The following GPSM1 variants were observed in gnomAD, a reference collection of about 807,000 sequenced individuals.
The protein encoded by GPSM1 is G protein signaling modulator 1.
Under a neutral mutation model 70.5 loss-of-function variants are expected in GPSM1, and 48 were observed. That is an observed-to-expected ratio of 0.68 (90% CI 0.54 to 0.87). The LOEUF (loss-of-function observed/expected upper bound fraction) is 0.87, where lower values mean the gene tolerates loss of function less well. Among genes scored for constraint, GPSM1 ranks in the 40% least tolerant of loss-of-function variants. The probability of loss-of-function intolerance (pLI) is 0.00; values close to 1 mark genes in which losing one functional copy is unlikely to be tolerated. For synonymous variants in GPSM1, 416 were observed against 430.1 expected, an observed-to-expected ratio of 0.97 and a Z score of 0.41; for missense variants, 981 against 972.6, an observed-to-expected ratio of 1.01 and a Z score of -0.11.
At chr9:136,346,473 T>A (rs1265214649) in intron 9 of GPSM1, among the ~76,000 whole-genome samples, 1 of 152,180 alleles carries the variant, frequency 6.6e-6, no homozygotes, top group African/African-American at 2.4e-5. Flanking sequence ...CTCTGCCCCA[T>A]AGGTAGCACC....
At chr9:136,337,102 G>T (rs781849310) in intron 4 of GPSM1, 30 bp downstream of exon 4, 4 of 1,521,646 alleles carry the variant, frequency 2.6e-6, no homozygotes, top group South Asian at 1.2e-5. Context: ...CCCAGGGACC[G>T]GGGCTGGCCT....
At chr9:136,334,691 G>T in intron 2 of GPSM1, 23 bp downstream of exon 2, 2 of 1,587,098 alleles carry the variant, frequency 1.3e-6, no homozygotes, top group Non-Finnish European at 1.7e-6. Context: ...GGTCCTGCTG[G>T]CGGGTGAGTG....
intron 2 of GPSM1, among the ~76,000 whole-genome samples, chr9:136,334,976 T>G (rs1159998404): frequency 6.6e-6 from 1 of 152,110 alleles, no homozygotes. Flanking sequence ...GGGAACGCAG[T>G]GGGGAAGCCC....
chr9:136,334,823 G>A (rs1482078252), intron 2 of GPSM1, among the ~76,000 whole-genome samples, 155 bp downstream of exon 2: 1 of 149,646 alleles, frequency 6.7e-6, no homozygotes, highest in African/African-American at 2.5e-5. Context: ...CCCTGCTGGC[G>A]GGTGAGTGGG....
In GPSM1 at chr9:136,337,905, C is replaced by A; in HGVS notation, c.762C>A (p.Asn254Lys). ...CAGCCGAGAGGAGGGCCTACAGCAA[C>A]CTGGGGAACGCCCACGTCTTCCTGG... ...DKAAERRAYSNLGNAHVFLGR... is the reference protein window; with the variant it reads ...DKAAERRAYSKLGNAHVFLGR... The change falls in exon 6 of 14, where the codon AAC becomes AAA. Residue 254 changes from asparagine (N) to lysine (K), a missense_variant. Physicochemically the swap from Asn to Lys is moderately conservative, Grantham distance 94. Coordinates refer to ENST00000440944, the MANE Select transcript of GPSM1 (RefSeq NM_001145638.3). 1 of 1,612,708 alleles carries A rather than the reference C, an allele frequency of 6.2e-7. No homozygotes were observed. The highest frequency in any genetic ancestry group is 8.5e-7 in the Non-Finnish European group (1 of 1,179,860).
At position 136,358,082 on chromosome 9, in the gene GPSM1, C is replaced by T. The variant is rs3812548; in HGVS notation, c.1890C>T (p.Asp630=). 86 of 1,612,738 alleles carry T rather than the reference C, an allele frequency of 5.3e-5. 3 individuals carry two copies. In the South Asian group the frequency reaches 7.2e-4, roughly 14 times the overall value. ...DVLPRGPTMP[D]EDFFSLIQRV... Reference sequence around the variant, plus strand: ...TGCCCCGGGGCCCTACCATGCCGGACGAGGACTTCTTCAGCCTCATTCAGA... The same window carrying T: ...TGCCCCGGGGCCCTACCATGCCGGATGAGGACTTCTTCAGCCTCATTCAGA... The change falls in exon 14 of 14, where the codon GAC becomes GAT. Residue 630 remains aspartate (D), a synonymous_variant. Transcript: ENST00000440944.
At chr9:136,344,999 C>G (rs1483117376) in intron 9 of GPSM1, among the ~76,000 whole-genome samples, 1 of 152,114 alleles carries the variant, frequency 6.6e-6, no homozygotes, top group Non-Finnish European at 1.5e-5. Flanking sequence ...TGATCCGGCT[C>G]CAGGGAGGTG....
chr9:136,355,547 A>C, intron 11 of GPSM1, 143 bp from the exon 12 acceptor site: 1 of 624,974 alleles, frequency 1.6e-6, no homozygotes, highest in Non-Finnish European at 2.7e-6. Context: ...GTTCTGGGGG[A>C]GGGGTAGCCG....
chr9:136,355,626 C>G (rs1832792975), intron 11 of GPSM1, 64 bp from the exon 12 acceptor site: 17 of 1,502,018 alleles, frequency 1.1e-5, no homozygotes, highest in Non-Finnish European at 1.6e-5. Flanking sequence ...GGCAAGCAGC[C>G]CCCGGTCTCG....
chr9:136,350,263 A>T (rs1832628144), intron 11 of GPSM1, among the ~76,000 whole-genome samples: 1 of 152,178 alleles, frequency 6.6e-6, no homozygotes, highest in African/African-American at 2.4e-5. Context: ...CCCCTTCCTG[A>T]GGTGGCTCTT....
In GPSM1 at chr9:136,341,750, G is replaced by A. The variant is rs1302150959; in HGVS notation, c.1207+757G>A. On this transcript the variant is annotated intron_variant, in intron 9 of 13. Coordinates refer to ENST00000440944, the MANE Select transcript of GPSM1 (RefSeq NM_001145638.3). The surrounding 1 kb of genome is among the most constrained non-coding windows in gnomAD (Gnocchi z 6.7). ...GCCCCCCAGGCCTGCTAAGGACCAGGCTGGGAACACCAGGCTTGGATGTGG... is the reference window on the plus strand; with the variant it reads ...GCCCCCCAGGCCTGCTAAGGACCAGACTGGGAACACCAGGCTTGGATGTGG... 2.0e-6 allele frequency: 2 copies of A among 985,666 alleles called. No homozygotes were observed. The highest frequency in any genetic ancestry group is 2.4e-6 in the Non-Finnish European group (2 of 830,334). 61.1% of individuals were successfully genotyped at this position (985,666 alleles called of 1,614,324 possible).
chr9:136,356,232 G>A, intron 12 of GPSM1, 110 bp from the exon 13 acceptor site: 1 of 845,288 alleles, frequency 1.2e-6, no homozygotes, highest in Non-Finnish European at 1.8e-6. Flanking sequence ...GGCCCCAGCA[G>A]CACAGTGGGC....
At chr9:136,337,133 G>A in intron 4 of GPSM1, 61 bp downstream of exon 4, 1 of 1,407,534 alleles carries the variant, frequency 7.1e-7, no homozygotes. Context: ...GAGCTCCACA[G>A]ACACTTCCAG....
chr9:136,328,564 T>C (rs1428375418), intron 1 of GPSM1, among the ~76,000 whole-genome samples: 1 of 152,116 alleles, frequency 6.6e-6, no homozygotes, highest in Non-Finnish European at 1.5e-5. Context: ...ACCTCCCTGA[T>C]AGGGGTCCCA....
Position 136,358,342 on chromosome 9 carries a change from TCCCCGA to T in GPSM1, c.*126_*131del, listed in dbSNP as rs1832902489. 1 of 930,658 alleles carries T rather than the reference TCCCCGA, an allele frequency of 1.1e-6. No individual in the cohort carries two copies. The highest frequency in any genetic ancestry group is 2.7e-5 in the Admixed American group (1 of 36,734). The allele number at this position is 930,658 out of a possible 1,614,324, so 57.7% of individuals were successfully genotyped here. A position where few individuals can be genotyped will look rare whatever the true frequency, so the allele number is the denominator to read the frequency against. Reference sequence around the variant, plus strand: ...GCACTGGGCATGCAGCCCCACGGCCTCCCCGACCCAGGGCGACAGGCTCAGGCCAAG... The same window carrying T: ...GCACTGGGCATGCAGCCCCACGGCCTCCCAGGGCGACAGGCTCAGGCCAAG... On this transcript the variant is annotated 3_prime_UTR_variant, in exon 14 of 14. Transcript: ENST00000440944.
chr9:136,348,652 AG>A (rs782426620), intron 9 of GPSM1, 44 bp from the exon 10 acceptor site: 300 of 1,451,416 alleles, frequency 2.1e-4, no homozygotes, highest in Non-Finnish European at 9.2e-5. Flanking sequence ...ACCCAATGCG[AG>A]GTGCCAGGGT....
intron 11 of GPSM1, among the ~76,000 whole-genome samples, chr9:136,352,239 TGCTGTTGGTG>T: frequency 1.3e-5 from 1 of 77,414 alleles, no homozygotes; most frequent in Non-Finnish European, 2.6e-5. Flanking sequence ...GCTGCGCCGT[TGCTGTTGGTG>T]ACACCGATGC....
At position 136,342,732 on chromosome 9, in the gene GPSM1, G is replaced by A. The variant is rs1554770543; in HGVS notation, c.1207+1739G>A. On this transcript the variant is annotated intron_variant, in intron 9 of 13. Transcript: ENST00000440944. This position sits in a 1 kb window ranked among gnomAD's most constrained non-coding sequence, Gnocchi z 5.5. The stretch of plus-strand genomic sequence containing the variant: ...CGCAGCCTCCCCATTCGGCAGGTGC[G>A]GAGGGCGGGGTGGATCTGCGAGCTG... Among the ~76,000 whole-genome samples, 1 of 152,056 alleles carries A rather than the reference G, an allele frequency of 6.6e-6. No individual in the cohort carries two copies. The highest frequency in any genetic ancestry group is 1.5e-5 in the Non-Finnish European group (1 of 67,982).
In GPSM1 at chr9:136,358,128, G is replaced by T; in HGVS notation, c.1936G>T (p.Asp646Tyr). The change falls in exon 14 of 14, where the codon GAC becomes TAC. Residue 646 changes from aspartate to tyrosine, a missense_variant. Coordinates refer to ENST00000440944, the MANE Select transcript of GPSM1 (RefSeq NM_001145638.3). ...TCAGAGGGTGCAGGCTAAGCGCATG[G>T]ACGAGCAGCGGGTGGACCTCGCCGG... is the stretch of plus-strand genomic sequence containing the variant. ...LIQRVQAKRMDEQRVDLAGGP... is the reference protein window; with the variant it reads ...LIQRVQAKRMYEQRVDLAGGP... 1 of 1,611,102 alleles carries T rather than the reference G, an allele frequency of 6.2e-7. No individual in the cohort carries two copies. Among genetic ancestry groups the T allele is most frequent in the Non-Finnish European group, 8.5e-7 (1 of 1,179,056 alleles).
Sources: gnomAD v4.1 joint callset for allele counts (sites outside exome capture counted in the v4.1 genomes callset) on GRCh38, gnomAD v4.1.1 for gene constraint, Gnocchi (gnomAD v3.1) non-coding constraint, MANE v1.5 for transcripts, NCBI Gene and HGNC (gene_info 2026-07-23, HGNC 2026-07-21) for gene names.